The following DNAH11 variants were observed in gnomAD, a reference collection of about 807,000 sequenced individuals.
DNAH11 encodes the protein dynein axonemal heavy chain 11.
A neutral mutation model predicts 526.0 loss-of-function variants in DNAH11; 442 were observed. The ratio of observed to expected loss-of-function variants is 0.84; its 90% CI spans 0.78 to 0.91. The LOEUF is 0.91. DNAH11 is among the 40% of genes least tolerant of loss of function. The probability of loss-of-function intolerance (pLI) is 0.00; values close to 1 mark genes in which losing one functional copy is unlikely to be tolerated. For missense variants in DNAH11, 6,989 were observed against 5,448.7 expected, an observed-to-expected ratio of 1.28 and a Z score of -8.90; for synonymous variants, 2,461 against 1,935.9, an observed-to-expected ratio of 1.27 and a Z score of -7.12.
intron 29 of DNAH11, 103 bp downstream of exon 29, chr7:21,656,084 G>C (rs548912257): frequency 4.9e-5 from 65 of 1,330,376 alleles, no homozygotes; most frequent in Non-Finnish European, 6.4e-5. Context: ...GTCAAATCAG[G>C]CTCTGCTTAG....
In DNAH11 at chr7:21,888,198, A is replaced by G. The variant is rs936658193; in HGVS notation, c.12507+3788A>G. 3.9e-5 allele frequency among the ~76,000 whole-genome samples: 6 copies of G among 152,318 alleles called. No homozygotes were observed. In the South Asian group the frequency reaches 1.2e-3, roughly 32 times the overall value. ...ATTCTCAAGACACCATGATAATTCA[A>G]TCTTGAGTAATGTCTAAAAATCCCT... On this transcript the variant is annotated intron_variant, in intron 76 of 81. Coordinates refer to ENST00000409508, the MANE Select transcript of DNAH11 (RefSeq NM_001277115.2).
intron 47 of DNAH11, 112 bp downstream of exon 47, chr7:21,738,978 G>C: frequency 9.3e-7 from 1 of 1,073,920 alleles, no homozygotes; most frequent in Non-Finnish European, 1.3e-6. Context: ...AATTATTATG[G>C]ATGAATTCAA....
intron 76 of DNAH11, among the ~76,000 whole-genome samples, chr7:21,888,860 G>A (rs987500255): frequency 6.6e-5 from 10 of 151,964 alleles, no homozygotes; most frequent in African/African-American, 1.2e-4. Flanking sequence ...TGATTCTATC[G>A]ATTCTTTTTG....
intron 68 of DNAH11, among the ~76,000 whole-genome samples, chr7:21,858,695 G>C (rs1009105265): frequency 1.3e-5 from 2 of 152,210 alleles, no homozygotes; most frequent in East Asian, 3.8e-4. Context: ...AGGCAGGTCA[G>C]TAATTGACTG....
chr7:21,765,003 A>G (rs1787110427), intron 54 of DNAH11, among the ~76,000 whole-genome samples: 1 of 152,244 alleles, frequency 6.6e-6, no homozygotes, highest in Non-Finnish European at 1.5e-5. Flanking sequence ...TTGTTTTTAA[A>G]GTGTATTATG....
intron 18 of DNAH11, 33 bp from the exon 19 acceptor site, chr7:21,606,393 A>G (rs1365903184): frequency 6.6e-7 from 1 of 1,508,620 alleles, no homozygotes; most frequent in Admixed American, 1.9e-5. Context: ...TAGGAATTGA[A>G]GTAATTTCGC....
At chr7:21,842,852 C>G in intron 66 of DNAH11, 104 bp downstream of exon 66, 1 of 998,330 alleles carries the variant, frequency 1.0e-6, no homozygotes, top group Non-Finnish European at 1.4e-6. Flanking sequence ...CCTCTAGAAT[C>G]CTGCAACCTA....
At chr7:21,645,042 T>C (rs988023908) in intron 28 of DNAH11, among the ~76,000 whole-genome samples, 2 of 152,242 alleles carry the variant, frequency 1.3e-5, no homozygotes, top group Non-Finnish European at 2.9e-5. Flanking sequence ...CCTTTGGAAT[T>C]CTCTCCATAG....
intron 74 of DNAH11, among the ~76,000 whole-genome samples, chr7:21,875,044 C>T (rs1048214837): frequency 6.6e-6 from 1 of 152,048 alleles, no homozygotes; most frequent in Non-Finnish European, 1.5e-5. Flanking sequence ...AATTGACTAC[C>T]TAAGAATACA....
At chr7:21,631,997 C>T (rs1786636034) in intron 25 of DNAH11, among the ~76,000 whole-genome samples, 1 of 152,246 alleles carries the variant, frequency 6.6e-6, no homozygotes, top group Non-Finnish European at 1.5e-5. Context: ...CAGGCATTTC[C>T]ATGCATCTTG....
chr7:21,694,316 A>G (rs1347141161), intron 35 of DNAH11, among the ~76,000 whole-genome samples: 1 of 152,134 alleles, frequency 6.6e-6, no homozygotes. Flanking sequence ...CCCTGCATGC[A>G]TTAGGTATTT....
In DNAH11 at chr7:21,854,340, G is replaced by A. The variant is rs1262229619; in HGVS notation, c.11087G>A (p.Arg3696Lys). 18 of 1,613,464 alleles carry A rather than the reference G, an allele frequency of 1.1e-5. No homozygotes were observed. The highest frequency in any genetic ancestry group is 1.5e-5 in the Non-Finnish European group (18 of 1,179,772). Residue 3696 changes from arginine (R) to lysine (K), a missense_variant, in exon 68 of 82, where the codon AGA becomes AAA. Physicochemically the swap from Arg to Lys is conservative, Grantham distance 26. Transcript: ENST00000409508. ...HKVIEAKENE[R>K]KINEARECYR... ...GTGATTGAAGCCAAAGAAAATGAAA[G>A]AAAAATCAACGAGGCCCGAGAATGT...
Position 21,629,661 on chromosome 7 carries a change from A to G in DNAH11, c.4501-6210A>G, listed in dbSNP as rs533855373. On this transcript the variant is annotated intron_variant, in intron 25 of 81. Coordinates refer to ENST00000409508, the MANE Select transcript of DNAH11 (RefSeq NM_001277115.2). The stretch of plus-strand genomic sequence containing the variant: ...TTTCTCTTGCCTAATTGGTTCCTTT[A>G]TCATTATGTAGTTATCTTCTTTACC... Among the ~76,000 whole-genome samples, 97 of 152,174 alleles carry G rather than the reference A, an allele frequency of 6.4e-4. No homozygotes were observed. The South Asian group carries it at 0.019, about 30-fold the overall frequency.
intron 54 of DNAH11, among the ~76,000 whole-genome samples, chr7:21,763,455 C>T (rs1009276143): frequency 6.6e-6 from 1 of 151,294 alleles, no homozygotes; most frequent in African/African-American, 2.4e-5. Context: ...TGAAGCATCA[C>T]CTCACATAGG....
At chr7:21,866,430 C>G (rs768635261) in intron 70 of DNAH11, 40 bp from the exon 71 acceptor site, 1 of 1,554,820 alleles carries the variant, frequency 6.4e-7, no homozygotes, top group Non-Finnish European at 8.7e-7. Flanking sequence ...TGTAAAGTAT[C>G]GTTCACACCA....
rs182656283 is a variant in DNAH11, at chr7:21,780,107, A to G, written c.9483+1003A>G. Among the ~76,000 whole-genome samples the G allele has an allele frequency of 1.3e-3, 188 of 147,074 alleles. 2 individuals are homozygous for G. The highest frequency in any genetic ancestry group is 4.5e-3 in the African/African-American group (180 of 39,978). On this transcript the variant is annotated intron_variant, in intron 57 of 81. Coordinates refer to ENST00000409508, the MANE Select transcript of DNAH11 (RefSeq NM_001277115.2). ...AAAGTATATTGAACATCAAAACTCT[A>G]AAAGGACAGTTTTAAGAAATAAGAT...
Position 21,801,281 on chromosome 7 carries a change from A to T in DNAH11, c.10165+6A>T, listed in dbSNP as rs757987495. On this transcript the variant is annotated splice_donor_region_variant and intron_variant, in intron 62 of 81. Transcript: ENST00000409508. The stretch of plus-strand genomic sequence containing the variant: ...TGTCAAGGAACTTGAGGCAAGTTAA[A>T]CCTTTTCTTCCAAACATTCTAACTA... The T allele has an allele frequency of 6.2e-6, 10 of 1,613,690 alleles. No individual in the cohort carries two copies. Among genetic ancestry groups the T allele is most frequent in the Non-Finnish European group, 7.6e-6 (9 of 1,179,796 alleles).
intron 61 of DNAH11, among the ~76,000 whole-genome samples, chr7:21,797,984 T>C (rs1323347038): frequency 6.6e-6 from 1 of 152,204 alleles, no homozygotes; most frequent in African/African-American, 2.4e-5. Flanking sequence ...ACCTATGAAG[T>C]AGGTATTACT....
intron 57 of DNAH11, among the ~76,000 whole-genome samples, chr7:21,784,032 G>C (rs6965106): frequency 0.32 from 49,164 of 152,056 alleles, 8,773 homozygotes; most frequent in Non-Finnish European, 0.41. Flanking sequence ...AGAATCCTAG[G>C]AAGAACATTT....
Sources: allele counts gnomAD v4.1 joint callset (sites outside exome capture counted in the v4.1 genomes callset), GRCh38; gene constraint gnomAD v4.1.1; transcripts MANE v1.5; gene names NCBI Gene and HGNC (gene_info 2026-07-23, HGNC 2026-07-21).